ACTR3C: variants seen among roughly 807,000 people sequenced by gnomAD.
ACTR3C encodes the protein actin related protein 3C.
Under a neutral mutation model 26.3 loss-of-function variants are expected in ACTR3C, and 18 were observed. The ratio of observed to expected loss-of-function variants is 0.68; its 90% confidence interval spans 0.47 to 1.01. ACTR3C has a LOEUF of 1.01. Among genes scored for constraint, ACTR3C ranks in the 50% least tolerant of loss-of-function variants. The probability of loss-of-function intolerance (pLI) is 0.00; values close to 1 mark genes in which losing one functional copy is unlikely to be tolerated. For missense variants in ACTR3C, 184 were observed against 250.7 expected, an observed-to-expected ratio of 0.73 and a Z score of 1.80; for synonymous variants, 55 against 94.5, an observed-to-expected ratio of 0.58 and a Z score of 2.42.
At chr7:149,919,849 A>G in the ACTR3C span, among the ~76,000 whole-genome samples, 2 of 89,582 alleles carry the variant, frequency 2.2e-5, no homozygotes, top group Non-Finnish European at 4.7e-5. Flanking sequence ...CAATTTATCA[A>G]TTTCAAAAAA....
the ACTR3C span, among the ~76,000 whole-genome samples, chr7:150,160,880 G>A: frequency 0.01 from 1,516 of 148,104 alleles, 13 homozygotes; most frequent in Non-Finnish European, 0.018. Flanking sequence ...GGAGTATAAA[G>A]TGCTTAGAAT....
chr7:150,098,181 G>A, the ACTR3C span, among the ~76,000 whole-genome samples: 7 of 151,706 alleles, frequency 4.6e-5, no homozygotes, highest in South Asian at 1.0e-3. Flanking sequence ...TTGGGCCAGC[G>A]ACTGACCCCG....
At chr7:149,945,018 G>C in the ACTR3C span, among the ~76,000 whole-genome samples, 1 of 151,938 alleles carries the variant, frequency 6.6e-6, no homozygotes. Flanking sequence ...TGATGGAAAA[G>C]CCTCTTTAAA....
chr7:149,939,012 T>C, the ACTR3C span, among the ~76,000 whole-genome samples: 137,190 of 149,690 alleles, frequency 0.92, 63,530 homozygotes, highest in Non-Finnish European at 0.99. Flanking sequence ...TAGAGTTGTG[T>C]TCTTGTTGCC....
the ACTR3C span, among the ~76,000 whole-genome samples, chr7:150,189,373 A>G: frequency 5.3e-5 from 8 of 152,196 alleles, no homozygotes; most frequent in African/African-American, 1.9e-4. Flanking sequence ...TTCGTATTCC[A>G]TTTGAGTTCC....
the ACTR3C span, among the ~76,000 whole-genome samples, chr7:150,182,113 C>A: frequency 6.6e-6 from 1 of 150,438 alleles, no homozygotes; most frequent in African/African-American, 2.5e-5. Context: ...CTCCTGCCCT[C>A]CTGAGGATCT....
At chr7:149,957,325 T>C in the ACTR3C span, among the ~76,000 whole-genome samples, 8 of 152,316 alleles carry the variant, frequency 5.3e-5, no homozygotes, top group African/African-American at 1.9e-4. Flanking sequence ...CATTAACCAA[T>C]GTCAACTTGC....
At chr7:150,169,253 G>A in the ACTR3C span, among the ~76,000 whole-genome samples, 1 of 150,226 alleles carries the variant, frequency 6.7e-6, no homozygotes, top group African/African-American at 2.5e-5. Flanking sequence ...CATGGTGACA[G>A]GCACCTGTAG....
At chr7:149,990,824 A>G in the ACTR3C span, among the ~76,000 whole-genome samples, 1 of 152,334 alleles carries the variant, frequency 6.6e-6, no homozygotes, top group East Asian at 1.9e-4. Context: ...GGGCAGGCAC[A>G]TAATCTGTGG....
At chr7:150,076,686 T>C in the ACTR3C span, 1 of 152,208 alleles carries the variant, frequency 6.6e-6, no homozygotes, top group Non-Finnish European at 1.5e-5. Flanking sequence ...TTGAAGGTAG[T>C]AGAACTCAAC....
the ACTR3C span, among the ~76,000 whole-genome samples, chr7:150,040,923 G>A: frequency 1.3e-5 from 2 of 150,120 alleles, no homozygotes; most frequent in Non-Finnish European, 1.5e-5. Context: ...CAGCTTATTT[G>A]CTTCTTGTAC....
At chr7:150,118,459 G>A in the ACTR3C span, among the ~76,000 whole-genome samples, 1 of 150,430 alleles carries the variant, frequency 6.6e-6, no homozygotes, top group South Asian at 2.1e-4. Context: ...AATAGCTGAA[G>A]CAATCAAGCA....
At chr7:150,215,229 G>A in the ACTR3C span, among the ~76,000 whole-genome samples, 2 of 152,094 alleles carry the variant, frequency 1.3e-5, no homozygotes, top group Non-Finnish European at 2.9e-5. Context: ...TGTGGGTAGA[G>A]GCTGACACTC....
At chr7:150,129,913 C>T in the ACTR3C span, among the ~76,000 whole-genome samples, 14 of 152,120 alleles carry the variant, frequency 9.2e-5, no homozygotes, top group African/African-American at 2.7e-4. Flanking sequence ...AAGACTTAAA[C>T]GACCTGATTT....
chr7:150,049,404 G>T, the ACTR3C span, among the ~76,000 whole-genome samples: 2 of 152,324 alleles, frequency 1.3e-5, no homozygotes, highest in Non-Finnish European at 1.5e-5. Context: ...CCAGAGGGGG[G>T]AACCTGTGAG....
chr7:149,956,688 C>T, the ACTR3C span, among the ~76,000 whole-genome samples: 1 of 151,146 alleles, frequency 6.6e-6, no homozygotes, highest in Non-Finnish European at 1.5e-5. Flanking sequence ...ATATGGAGCT[C>T]TCTGGTTGCA....
At chr7:150,075,591 G>A in the ACTR3C span, among the ~76,000 whole-genome samples, 2 of 152,134 alleles carry the variant, frequency 1.3e-5, no homozygotes, top group African/African-American at 4.8e-5. Context: ...TTCTAGAATC[G>A]ACACTATTTT....
At chr7:150,294,044 GTTT>G (rs562898663) in intron 2 of ACTR3C, among the ~76,000 whole-genome samples, 9 of 152,280 alleles carry the variant, frequency 5.9e-5, no homozygotes, top group African/African-American at 2.2e-4. Flanking sequence ...TACTTCATTG[GTTT>G]CCGGCGTGGG....
At chr7:149,946,135 T>A in the ACTR3C span, among the ~76,000 whole-genome samples, 2 of 152,128 alleles carry the variant, frequency 1.3e-5, no homozygotes, top group Non-Finnish European at 2.9e-5. Flanking sequence ...AATGTAGATA[T>A]GAAAGGGGAT....
Sources: allele counts gnomAD v4.1 joint callset (sites outside exome capture counted in the v4.1 genomes callset), GRCh38; gene constraint gnomAD v4.1.1; transcripts MANE v1.5; gene names NCBI Gene and HGNC (gene_info 2026-07-23, HGNC 2026-07-21).